KIF6: variants seen among roughly 807,000 people sequenced by gnomAD.
KIF6 encodes kinesin-like protein KIF6.
KIF6 carries 106 observed loss-of-function variants against 112.7 expected under a neutral mutation model. The observed-to-expected ratio is 0.94, with a 90% CI of 0.80 to 1.11. KIF6 has a LOEUF of 1.11. KIF6 is among the 50% of genes least tolerant of loss of function. KIF6 has a pLI of 0.00. For missense variants in KIF6, 929 were observed against 964.0 expected, an observed-to-expected ratio of 0.96 and a Z score of 0.48; for synonymous variants, 339 against 339.9, an observed-to-expected ratio of 1.00 and a Z score of 0.03.
chr6:39,646,802 CT>C (rs1452823171), intron 3 of KIF6, among the ~76,000 whole-genome samples: 1 of 152,166 alleles, frequency 6.6e-6, no homozygotes. Flanking sequence ...TTAAGCTCCC[CT>C]ATTTTAAATA....
At chr6:39,703,919 T>C (rs772379822) in intron 3 of KIF6, among the ~76,000 whole-genome samples, 1 of 152,218 alleles carries the variant, frequency 6.6e-6, no homozygotes. Flanking sequence ...TTGTGTTCTT[T>C]CTATATCTCT....
intron 3 of KIF6, among the ~76,000 whole-genome samples, chr6:39,642,088 C>A (rs1361936005): frequency 6.6e-6 from 1 of 152,148 alleles, no homozygotes; most frequent in Non-Finnish European, 1.5e-5. Flanking sequence ...CTTCAATGGA[C>A]ACTAGGCCTT....
chr6:39,645,617 C>CT (rs922369406), intron 3 of KIF6, among the ~76,000 whole-genome samples: 3 of 152,036 alleles, frequency 2.0e-5, no homozygotes, highest in African/African-American at 4.8e-5. Flanking sequence ...CTAAAATTCT[C>CT]TTTTTTTGTT....
At chr6:39,699,381 G>C (rs1238204332) in intron 3 of KIF6, among the ~76,000 whole-genome samples, 1 of 152,164 alleles carries the variant, frequency 6.6e-6, no homozygotes, top group African/African-American at 2.4e-5. Flanking sequence ...TGGGTATGTG[G>C]GGAAAGAGCA....
chr6:39,416,615 T>C (rs1480177253), intron 15 of KIF6, among the ~76,000 whole-genome samples: 3 of 152,104 alleles, frequency 2.0e-5, no homozygotes, highest in African/African-American at 7.2e-5. Flanking sequence ...ATCTACCTAG[T>C]TGGGTTGGCT....
intron 1 of KIF6, 91 bp from the exon 2 acceptor site, chr6:39,720,902 A>G (rs540717573): frequency 1.1e-5 from 7 of 653,970 alleles, no homozygotes; most frequent in Admixed American, 2.5e-5. Context: ...TGATATGAAA[A>G]TTATACTCTT....
intron 10 of KIF6, among the ~76,000 whole-genome samples, chr6:39,566,288 T>C (rs989180320): frequency 6.6e-6 from 1 of 152,210 alleles, no homozygotes; most frequent in African/African-American, 2.4e-5. Flanking sequence ...ACACACACAT[T>C]TGCAAATTTT....
intron 13 of KIF6, among the ~76,000 whole-genome samples, chr6:39,526,412 A>C (rs949211309): frequency 3.9e-5 from 6 of 152,150 alleles, no homozygotes; most frequent in Admixed American, 6.6e-5. Flanking sequence ...CGTTTATTAC[A>C]CTGAAAGACA....
At chr6:39,617,261 C>A (rs1783570024) in intron 5 of KIF6, among the ~76,000 whole-genome samples, 1 of 152,134 alleles carries the variant, frequency 6.6e-6, no homozygotes, top group Non-Finnish European at 1.5e-5. Flanking sequence ...AACAGAGAAT[C>A]TTTTCCATTT....
intron 15 of KIF6, among the ~76,000 whole-genome samples, chr6:39,397,028 G>A (rs897040801): frequency 1.3e-5 from 2 of 152,126 alleles, no homozygotes; most frequent in African/African-American, 4.8e-5. Context: ...TCTCCGCCTC[G>A]GTGGGGAGGA....
chr6:39,463,627 A>C (rs1773613430), intron 13 of KIF6, among the ~76,000 whole-genome samples: 2 of 152,220 alleles, frequency 1.3e-5, no homozygotes, highest in Non-Finnish European at 2.9e-5. Flanking sequence ...GTAATTAAAA[A>C]TTCCTCAAAA....
rs1581733685 is a variant in KIF6, at chr6:39,385,524, G to T, written c.1861+98C>A. The T allele has an allele frequency of 2.0e-5, 20 of 1,015,416 alleles. 1 individual carries two copies. The Middle Eastern group carries it at 2.3e-3, about 115-fold the overall frequency. The allele number at this position is 1,015,416 out of a possible 1,614,324, so 62.9% of individuals were successfully genotyped here. On this transcript the variant is annotated intron_variant, in intron 16 of 22. Transcript: ENST00000287152. ...CTTGCCATCCTTAACCTCAGAGAGG[G>T]TTTTAAATGGGTTATCTTTTAGCTG...
At chr6:39,481,290 C>T (rs532536674) in intron 13 of KIF6, among the ~76,000 whole-genome samples, 60 of 152,166 alleles carry the variant, frequency 3.9e-4, no homozygotes, top group Non-Finnish European at 5.0e-4. Flanking sequence ...CAGATAGGAA[C>T]TGAAGTGGGA....
rs1248810413 is a variant in KIF6, at chr6:39,539,342, A to G, written c.1645+661T>C. Among the ~76,000 whole-genome samples, 3 of 151,870 alleles carry G rather than the reference A, an allele frequency of 2.0e-5. No homozygotes were observed. The East Asian group carries it at 5.8e-4, about 29-fold the overall frequency. ...ATTTATTGTCATTTAAGTCTGTGGT[A>G]TTATTATTTTATTATTTTTGAGACA... On this transcript the variant is annotated intron_variant, in intron 13 of 22. Transcript: ENST00000287152.
chr6:39,525,692 T>C (rs1174583415), intron 13 of KIF6, among the ~76,000 whole-genome samples: 2 of 152,026 alleles, frequency 1.3e-5, no homozygotes, highest in Admixed American at 6.6e-5. Context: ...AGGCGGAAGT[T>C]GCAGCAGGAG....
intron 13 of KIF6, among the ~76,000 whole-genome samples, chr6:39,530,840 C>A (rs1022830198): frequency 6.6e-6 from 1 of 152,148 alleles, no homozygotes; most frequent in Non-Finnish European, 1.5e-5. Flanking sequence ...TTCAAAACAA[C>A]ATACTTATTA....
intron 10 of KIF6, among the ~76,000 whole-genome samples, chr6:39,577,462 A>C (rs538115029): frequency 6.6e-6 from 1 of 152,340 alleles, no homozygotes; most frequent in South Asian, 2.1e-4. Flanking sequence ...AGAAACAAGA[A>C]AGCCCACTGT....
At chr6:39,538,628 A>G (rs1305604566) in intron 13 of KIF6, among the ~76,000 whole-genome samples, 2 of 150,258 alleles carry the variant, frequency 1.3e-5, no homozygotes, top group Admixed American at 6.6e-5. Flanking sequence ...GGGACTGTAA[A>G]CTAGTTCAAC....
chr6:39,525,169 G>T (rs1281971541), intron 13 of KIF6, among the ~76,000 whole-genome samples: 1 of 151,918 alleles, frequency 6.6e-6, no homozygotes, highest in Non-Finnish European at 1.5e-5. Context: ...TTTAGAAAAG[G>T]TCTCACGTTG....
Sources: allele counts gnomAD v4.1 joint callset (sites outside exome capture counted in the v4.1 genomes callset), GRCh38; gene constraint gnomAD v4.1.1; transcripts MANE v1.5; gene names NCBI Gene and HGNC (gene_info 2026-07-23, HGNC 2026-07-21).